The following FOLR2 variants were observed in gnomAD, a reference collection of about 807,000 sequenced individuals.
FOLR2 encodes folate receptor 2 (fetal).
In FOLR2, 14 loss-of-function variants were observed where a neutral mutation model predicts 20.4. That is an observed-to-expected ratio of 0.68 (90% CI 0.45 to 1.07). FOLR2 has a LOEUF of 1.07. Among genes scored for constraint, FOLR2 ranks in the 50% least tolerant of loss-of-function variants. FOLR2 has a pLI of 0.00. For synonymous variants in FOLR2, 114 were observed against 114.3 expected (o/e 1.00, Z 0.02); for missense variants, 269 against 322.6 (o/e 0.83, Z 1.27).
Position 72,221,067 on chromosome 11 carries a change from T to TCGGGGGGGGGGGGGGGGGCC in FOLR2, c.339+10_339+11insGGGGGGGGGGGGGGGGGCCC. The TCGGGGGGGGGGGGGGGGGCC allele has an allele frequency of 6.4e-7, 1 of 1,570,098 alleles. No homozygotes were observed. Among genetic ancestry groups the TCGGGGGGGGGGGGGGGGGCC allele is most frequent in the Non-Finnish European group, 8.7e-7 (1 of 1,154,898 alleles). On this transcript the variant is annotated intron_variant, in intron 3 of 4. Transcript: ENST00000298223. ...GGCCCTGGATCCAGCAGGTAGGGTG[T>TCGGGGGGGGGGGGGGGGGCC]CTCCCCCCCACCCACCCCAGCAGAC...
chr11:72,221,865 C>T lies in FOLR2; in HGVS notation c.*103C>T. On this transcript the variant is annotated 3_prime_UTR_variant, in exon 5 of 5. Coordinates refer to ENST00000298223, the MANE Select transcript of FOLR2 (RefSeq NM_000803.5). ...CCTTAAGCATGCTTCTATTAGTCACCTAACCCTCTGTCACCCAGTCTGTTG... is the reference window on the plus strand; with the variant it reads ...CCTTAAGCATGCTTCTATTAGTCACTTAACCCTCTGTCACCCAGTCTGTTG... 8.9e-7 allele frequency: 1 copy of T among 1,120,050 alleles called. No homozygotes were observed. The allele number at this position is 1,120,050 out of a possible 1,614,324, so 69.4% of individuals were successfully genotyped here.
In FOLR2 at chr11:72,221,856, A is replaced by G. The variant is rs1948502588; in HGVS notation, c.*94A>G. On this transcript the variant is annotated 3_prime_UTR_variant, in exon 5 of 5. Coordinates refer to ENST00000298223, the MANE Select transcript of FOLR2 (RefSeq NM_000803.5). ...ATGACAGCCCCTTAAGCATGCTTCTATTAGTCACCTAACCCTCTGTCACCC... is the reference window on the plus strand; with the variant it reads ...ATGACAGCCCCTTAAGCATGCTTCTGTTAGTCACCTAACCCTCTGTCACCC... 1.7e-6 allele frequency: 2 copies of G among 1,208,988 alleles called. No homozygotes were observed. The highest frequency in any genetic ancestry group is 1.5e-5 in the South Asian group (1 of 68,446). 74.9% of individuals were successfully genotyped at this position (1,208,988 alleles called of 1,614,324 possible).
Position 72,218,729 on chromosome 11 carries a change from G to A in FOLR2, c.145G>A (p.Asp49Asn), listed in dbSNP as rs980463248. The A allele has an allele frequency of 2.5e-6, 4 of 1,610,450 alleles. No individual in the cohort carries two copies. The highest frequency in any genetic ancestry group is 3.4e-6 in the Non-Finnish European group (4 of 1,178,208). The change falls in exon 2 of 5, where the codon GAC becomes AAC. Residue 49 changes from aspartate (D) to asparagine (N), a missense_variant. By Grantham distance (23) the Asp-to-Asn change is conservative (BLOSUM62 1). Coordinates refer to ENST00000298223, the MANE Select transcript of FOLR2 (RefSeq NM_000803.5). The part of the protein sequence containing the change: ...TKPGPEDKLH[D>N]QCSPWKKNAC... ...GCCAGGTCCTGAGGACAAGCTGCAT[G>A]ACCAAGTACGGCTGGAGTGTGCCTC...
At position 72,221,067 on chromosome 11, in the gene FOLR2, T is replaced by TGGGGGGGGGGGCCC; in HGVS notation, c.339+9_339+10insGGGGGGGGGGGCCC. On this transcript the variant is annotated intron_variant, in intron 3 of 4. Coordinates refer to ENST00000298223, the MANE Select transcript of FOLR2 (RefSeq NM_000803.5). ...GGCCCTGGATCCAGCAGGTAGGGTGTCTCCCCCCCACCCACCCCAGCAGAC... is the reference window on the plus strand; with the variant it reads ...GGCCCTGGATCCAGCAGGTAGGGTGTGGGGGGGGGGGCCCCTCCCCCCCACCCACCCCAGCAGAC... 1 of 1,570,120 alleles carries TGGGGGGGGGGGCCC rather than the reference T, an allele frequency of 6.4e-7. No homozygotes were observed. The highest frequency in any genetic ancestry group is 8.7e-7 in the Non-Finnish European group (1 of 1,154,916).
Position 72,221,067 on chromosome 11 carries a change from T to TCGGGGGGGGGGGGGGCC in FOLR2, c.339+10_339+11insGGGGGGGGGGGGGGCCC. 18 of 1,569,868 alleles carry TCGGGGGGGGGGGGGGCC rather than the reference T, an allele frequency of 1.1e-5. No individual in the cohort carries two copies. Among genetic ancestry groups the TCGGGGGGGGGGGGGGCC allele is most frequent in the Middle Eastern group, 1.7e-4 (1 of 5,848 alleles). On this transcript the variant is annotated intron_variant, in intron 3 of 4. Coordinates refer to ENST00000298223, the MANE Select transcript of FOLR2 (RefSeq NM_000803.5). ...GGCCCTGGATCCAGCAGGTAGGGTG[T>TCGGGGGGGGGGGGGGCC]CTCCCCCCCACCCACCCCAGCAGAC...
intron 2 of FOLR2, among the ~76,000 whole-genome samples, chr11:72,219,160 G>A (rs948394012): frequency 1.3e-5 from 2 of 152,168 alleles, no homozygotes; most frequent in Non-Finnish European, 2.9e-5. Flanking sequence ...CTCCTTTGGT[G>A]GGTGACAGAC....
intron 1 of FOLR2, among the ~76,000 whole-genome samples, chr11:72,217,803 T>C (rs1260924789): frequency 6.6e-6 from 1 of 152,180 alleles, no homozygotes; most frequent in African/African-American, 2.4e-5. Context: ...TACACTGTAC[T>C]CAGTATATAG....
intron 2 of FOLR2, among the ~76,000 whole-genome samples, chr11:72,220,333 T>C (rs1194178165): frequency 6.6e-6 from 1 of 152,216 alleles, no homozygotes; most frequent in Non-Finnish European, 1.5e-5. Flanking sequence ...TCCTAACCTA[T>C]TTAAAATTTC....
intron 1 of FOLR2, 58 bp from the exon 2 acceptor site, chr11:72,218,503 G>T: frequency 6.7e-7 from 1 of 1,496,416 alleles, no homozygotes. Context: ...GAGGCAGGAG[G>T]TGAATGGGCT....
Position 72,221,673 on chromosome 11 carries a change from A to G in FOLR2, c.679A>G (p.Met227Val). ...EEVARFYAAA[M>V]HVNAGEMLHG... ...AGTGGCGAGGTTCTATGCTGCAGCC[A>G]TGCATGTGAATGCTGGTGAGATGCT... The change falls in exon 5 of 5, where the codon ATG (methionine) becomes GTG (valine). Residue 227 changes from methionine (M) to valine (V), a missense_variant. Transcript: ENST00000298223. The G allele has an allele frequency of 1.2e-6, 2 of 1,614,192 alleles. No individual in the cohort carries two copies. The highest frequency in any genetic ancestry group is 1.7e-6 in the Non-Finnish European group (2 of 1,180,014).
Position 72,221,870 on chromosome 11 carries a change from C to A in FOLR2, c.*108C>A. The stretch of plus-strand genomic sequence containing the variant: ...AGCATGCTTCTATTAGTCACCTAAC[C>A]CTCTGTCACCCAGTCTGTTGCTGCT... On this transcript the variant is annotated 3_prime_UTR_variant, in exon 5 of 5. Transcript: ENST00000298223. The A allele has an allele frequency of 9.9e-7, 1 of 1,009,592 alleles. No individual in the cohort carries two copies. Among genetic ancestry groups the A allele is most frequent in the Non-Finnish European group, 1.4e-6 (1 of 692,742 alleles). The allele number at this position is 1,009,592 out of a possible 1,614,324, so 62.5% of individuals were successfully genotyped here.
chr11:72,217,056 GCT>G, intron 1 of FOLR2, 131 bp downstream of exon 1: 1 of 1,028,018 alleles, frequency 9.7e-7, no homozygotes, highest in Non-Finnish European at 1.4e-6. Context: ...ACAGAGTCTC[GCT>G]CTGTCACCCA....
intron 1 of FOLR2, among the ~76,000 whole-genome samples, chr11:72,218,348 C>T (rs963985873): frequency 1.3e-4 from 20 of 152,336 alleles, no homozygotes; most frequent in Admixed American, 4.6e-4. Context: ...CACTCACTAA[C>T]GCCAGTTCTC....
Position 72,221,688 on chromosome 11 carries a change from G to T in FOLR2, c.694G>T (p.Gly232Cys), listed in dbSNP as rs149688133. 46 of 1,614,170 alleles carry T rather than the reference G, an allele frequency of 2.8e-5. No individual in the cohort carries two copies. The African/African-American group carries it at 5.9e-4, about 21-fold the overall frequency. Reference protein sequence around the residue: ...FYAAAMHVNAGEMLHGTGGLL... With the variant: ...FYAAAMHVNACEMLHGTGGLL... Reference sequence around the variant, plus strand: ...TGCTGCAGCCATGCATGTGAATGCTGGTGAGATGCTTCATGGGACTGGGGG... The same window carrying T: ...TGCTGCAGCCATGCATGTGAATGCTTGTGAGATGCTTCATGGGACTGGGGG... The change falls in exon 5 of 5, where the codon GGT (glycine) becomes TGT (cysteine). Residue 232 changes from glycine (G) to cysteine (C), a missense_variant. By Grantham distance (159) the Gly-to-Cys change is radical. Coordinates refer to ENST00000298223, the MANE Select transcript of FOLR2 (RefSeq NM_000803.5).
intron 1 of FOLR2, chr11:72,217,197 G>T (rs1948404707): frequency 4.0e-6 from 2 of 505,596 alleles, no homozygotes; most frequent in Non-Finnish European, 7.0e-6. Flanking sequence ...GCTAATTTTT[G>T]TATTTTTAGT....
At position 72,217,012 on chromosome 11, in the gene FOLR2, C is replaced by CTGTATTGTATTGTATTGTAT. The variant is rs71834554; in HGVS notation, c.-25+94_-25+113dup. ...AGAGGGGAGGAACACACCTTTCTTTCTGTATTGTATTGTATTGTATTGTAT... is the reference window on the plus strand; with the variant it reads ...AGAGGGGAGGAACACACCTTTCTTTCTGTATTGTATTGTATTGTATTGTATTGTATTGTATTGTATTGTAT... On this transcript the variant is annotated intron_variant, in intron 1 of 4. Coordinates refer to ENST00000298223, the MANE Select transcript of FOLR2 (RefSeq NM_000803.5). 7.2e-4 allele frequency: 967 copies of CTGTATTGTATTGTATTGTAT among 1,338,968 alleles called. 4 individuals carry two copies. The highest frequency in any genetic ancestry group is 6.1e-3 in the African/African-American group (414 of 67,394). The allele number at this position is 1,338,968 out of a possible 1,614,324, so 82.9% of individuals were successfully genotyped here.
rs199974430 is a variant in FOLR2, at chr11:72,221,078, C to A, written c.339+20C>A. Reference sequence around the variant, plus strand: ...CAGCAGGTAGGGTGTCTCCCCCCCACCCACCCCAGCAGACTGCCATCCCCC... The same window carrying A: ...CAGCAGGTAGGGTGTCTCCCCCCCAACCACCCCAGCAGACTGCCATCCCCC... On this transcript the variant is annotated intron_variant, in intron 3 of 4. Transcript: ENST00000298223. 1 of 988,004 alleles carries A rather than the reference C, an allele frequency of 1.0e-6. No individual in the cohort carries two copies. Among genetic ancestry groups the A allele is most frequent in the Non-Finnish European group, 1.4e-6 (1 of 696,434 alleles). 61.2% of individuals were successfully genotyped at this position (988,004 alleles called of 1,614,324 possible).
Position 72,221,866 on chromosome 11 carries a change from T to C in FOLR2, c.*104T>C, listed in dbSNP as rs1046391234. On this transcript the variant is annotated 3_prime_UTR_variant, in exon 5 of 5. Transcript: ENST00000298223. ...CTTAAGCATGCTTCTATTAGTCACC[T>C]AACCCTCTGTCACCCAGTCTGTTGC... 41 of 1,088,828 alleles carry C rather than the reference T, an allele frequency of 3.8e-5. No individual in the cohort carries two copies. Among genetic ancestry groups the C allele is most frequent in the Non-Finnish European group, 5.3e-5 (40 of 761,580 alleles). 67.4% of individuals were successfully genotyped at this position (1,088,828 alleles called of 1,614,324 possible).
rs976219510 is a variant in FOLR2 at position 72,218,627 on chromosome 11, G to A, written c.43G>A (p.Val15Ile). The A allele has an allele frequency of 6.2e-7, 1 of 1,613,498 alleles. No individual in the cohort carries two copies. Among genetic ancestry groups the A allele is most frequent in the African/African-American group, 1.3e-5 (1 of 74,944 alleles). Reference protein sequence around the residue: ...WMPLLLLLVCVATMCSAQDRT... With the variant: ...WMPLLLLLVCIATMCSAQDRT... ...GCCACTTCTGCTGCTTCTGGTCTGTGTAGCCACCATGTGCAGTGCCCAGGA... is the reference window on the plus strand; with the variant it reads ...GCCACTTCTGCTGCTTCTGGTCTGTATAGCCACCATGTGCAGTGCCCAGGA... Residue 15 changes from valine to isoleucine, a missense_variant, in exon 2 of 5, where the codon GTA becomes ATA. By Grantham distance (29) the Val-to-Ile change is conservative. Coordinates refer to ENST00000298223, the MANE Select transcript of FOLR2 (RefSeq NM_000803.5).
Sources: gnomAD v4.1 joint callset for allele counts (sites outside exome capture counted in the v4.1 genomes callset) on GRCh38, gnomAD v4.1.1 for gene constraint, MANE v1.5 for transcripts, NCBI Gene and HGNC (gene_info 2026-07-23, HGNC 2026-07-21) for gene names.